The following PCDHB15 variants were observed in gnomAD, a reference collection of about 807,000 sequenced individuals.
PCDHB15 encodes the protein protocadherin beta 15, also known as protocadherin beta-15.
For synonymous variants in PCDHB15, 492 were observed against 447.9 expected (o/e 1.10, Z -1.24); for missense variants, 1,032 against 991.7 (o/e 1.04, Z -0.55).
chr5:141,246,856 G>A lies in PCDHB15; in HGVS notation c.1278G>A (p.Leu426=), dbSNP rs782746140. The A allele has an allele frequency of 6.2e-7, 1 of 1,614,146 alleles. No individual in the cohort carries two copies. ...ACATCACCATCACCATCACAGACTT[G>A]GGGACTCCAAGGCTGAAAACCGAGC... is the stretch of plus-strand genomic sequence containing the variant. ...EYNITITITD[L]GTPRLKTEQS... Residue 426 remains leucine (L), a synonymous_variant, in exon 1 of 1, where the codon TTG becomes TTA. Coordinates refer to ENST00000231173, the MANE Select transcript of PCDHB15 (RefSeq NM_018935.4).
chr5:141,249,131 G>A lies in PCDHB15; in HGVS notation c.*1189G>A, dbSNP rs373622344. ...GCCAATCAGCTAAACTTAAAATAGG[G>A]AGACTCTCCTAGATAATCTGGGTGG... On this transcript the variant is annotated 3_prime_UTR_variant, in exon 1 of 1. Transcript: ENST00000231173. 6.4e-4 allele frequency: 97 copies of A among 152,258 alleles called. 1 individual carries two copies. Among genetic ancestry groups the A allele is most frequent in the African/African-American group, 2.2e-3 (92 of 41,532 alleles). 9.4% of individuals were successfully genotyped at this position (152,258 alleles called of 1,614,324 possible).
In PCDHB15 at chr5:141,247,659, T is replaced by G; in HGVS notation, c.2081T>G (p.Leu694Trp). 2 of 1,610,372 alleles carry G rather than the reference T, an allele frequency of 1.2e-6. No homozygotes were observed. Among genetic ancestry groups the G allele is most frequent in the Non-Finnish European group, 1.7e-6 (2 of 1,179,846 alleles). The change falls in exon 1 of 1, where the codon TTG (leucine) becomes TGG (tryptophan). Residue 694 changes from leucine (L) to tryptophan (W), a missense_variant. Leu to Trp is a moderately conservative substitution (Grantham distance 61). Coordinates refer to ENST00000231173, the MANE Select transcript of PCDHB15 (RefSeq NM_018935.4). ...DSLTVYLVVA[L>W]ASVSSLFLFS... ...CTTACCGTCTACCTGGTGGTGGCAT[T>G]GGCCTCGGTGTCTTCGCTCTTCCTC...
Position 141,247,308 on chromosome 5 carries a change from C to T in PCDHB15, c.1730C>T (p.Pro577Leu). The change falls in exon 1 of 1, where the codon CCC becomes CTC. Residue 577 changes from proline (P) to leucine (L), a missense_variant. Physicochemically the swap from Pro to Leu is moderately conservative, Grantham distance 98. Coordinates refer to ENST00000231173, the MANE Select transcript of PCDHB15 (RefSeq NM_018935.4). ...NGSAPCTELVPRAAEPGYLVT... is the reference protein window; with the variant it reads ...NGSAPCTELVLRAAEPGYLVT... Reference sequence around the variant, plus strand: ...TCCGCGCCCTGCACCGAGCTGGTGCCCCGGGCGGCCGAGCCGGGCTACCTG... The same window carrying T: ...TCCGCGCCCTGCACCGAGCTGGTGCTCCGGGCGGCCGAGCCGGGCTACCTG... The T allele has an allele frequency of 6.2e-7, 1 of 1,608,544 alleles. No individual in the cohort carries two copies. Among genetic ancestry groups the T allele is most frequent in the Non-Finnish European group, 8.5e-7 (1 of 1,178,704 alleles).
chr5:141,247,393 G>A lies in PCDHB15; in HGVS notation c.1815G>A (p.Gln605=), dbSNP rs1554292209. 4 of 1,605,080 alleles carry A rather than the reference G, an allele frequency of 2.5e-6. No homozygotes were observed. The highest frequency in any genetic ancestry group is 3.4e-6 in the Non-Finnish European group (4 of 1,179,106). The stretch of plus-strand genomic sequence containing the variant: ...GCCAGAACGCCTGGCTGTCGTACCA[G>A]CTGCTCAAGGCCACGGAGCCCGGGC... ...DSGQNAWLSY[Q]LLKATEPGLF... The change falls in exon 1 of 1, where the codon CAG becomes CAA. Residue 605 remains glutamine, a synonymous_variant. Transcript: ENST00000231173.
rs782103267 is a variant in PCDHB15, at chr5:141,247,159, C to G, written c.1581C>G (p.Phe527Leu). Residue 527 changes from phenylalanine to leucine, a missense_variant, in exon 1 of 1, where the codon TTC becomes TTG. Phe to Leu is a conservative substitution (Grantham distance 22). Transcript: ENST00000231173. ...QSLDYEALQA[F>L]EFRVGATDRG... ...TGGACTACGAGGCCCTGCAGGCTTT[C>G]GAGTTCCGCGTGGGCGCCACAGACC... 5 of 1,613,598 alleles carry G rather than the reference C, an allele frequency of 3.1e-6. No individual in the cohort carries two copies. The East Asian group carries it at 1.1e-4, about 36-fold the overall frequency.
Position 141,246,273 on chromosome 5 carries a change from T to C in PCDHB15, c.695T>C (p.Val232Ala). The C allele has an allele frequency of 1.2e-6, 2 of 1,614,032 alleles. No homozygotes were observed. Among genetic ancestry groups the C allele is most frequent in the Non-Finnish European group, 1.7e-6 (2 of 1,179,986 alleles). ...GGCACCGTCCAGATCCTCATCTTGG[T>C]CTTGGACGCCAATGACAATGCCCCG... The part of the protein sequence containing the change: ...RSGTVQILIL[V>A]LDANDNAPEF... Residue 232 changes from valine (V) to alanine (A), a missense_variant, in exon 1 of 1, where the codon GTC becomes GCC. By Grantham distance (64) the Val-to-Ala change is moderately conservative. Coordinates refer to ENST00000231173, the MANE Select transcript of PCDHB15 (RefSeq NM_018935.4).
In PCDHB15 at chr5:141,246,912, A is replaced by G. The variant is rs1204237984; in HGVS notation, c.1334A>G (p.Asn445Ser). The G allele has an allele frequency of 5.6e-6, 9 of 1,613,572 alleles. No homozygotes were observed. The highest frequency in any genetic ancestry group is 7.6e-6 in the Non-Finnish European group (9 of 1,180,022). ...ATAACCGTGCTGGTGTCGGACGTCA[A>G]TGACAACGCCCCCGCCTTCACCCAA... Reference protein sequence around the residue: ...QSITVLVSDVNDNAPAFTQTS... With the variant: ...QSITVLVSDVSDNAPAFTQTS... The change falls in exon 1 of 1, where the codon AAT becomes AGT. Residue 445 changes from asparagine to serine, a missense_variant. Physicochemically the swap from Asn to Ser is conservative, Grantham distance 46. Transcript: ENST00000231173.
Position 141,245,724 on chromosome 5 carries a change from C to T in PCDHB15, c.146C>T (p.Ala49Val), listed in dbSNP as rs1314873612. 6.2e-7 allele frequency: 1 copy of T among 1,614,166 alleles called. No individual in the cohort carries two copies. Among genetic ancestry groups the T allele is most frequent in the Non-Finnish European group, 8.5e-7 (1 of 1,180,038 alleles). ...TERGSFVANL[A>V]NDLGLGVGEL... ...AGAGGTTCTTTTGTAGCCAACCTGG[C>T]CAATGACCTAGGGCTGGGAGTGGGG... The change falls in exon 1 of 1, where the codon GCC becomes GTC. Residue 49 changes from alanine to valine, a missense_variant. Ala to Val is a moderately conservative substitution (Grantham distance 64). Coordinates refer to ENST00000231173, the MANE Select transcript of PCDHB15 (RefSeq NM_018935.4).
At position 141,245,665 on chromosome 5, in the gene PCDHB15, AC is replaced by A. The variant is rs1554291757; in HGVS notation, c.91del (p.Arg31ValfsTer5). The A allele has an allele frequency of 6.2e-7, 1 of 1,614,102 alleles. No homozygotes were observed. The highest frequency in any genetic ancestry group is 8.5e-7 in the Non-Finnish European group (1 of 1,180,012). On this transcript the variant is annotated frameshift_variant, in exon 1 of 1. Transcript: ENST00000231173. LOFTEE classifies it low-confidence loss of function (END_TRUNC). ...TGGAAGTGACTCTGGCAGGCTGGGA[AC>A]CCCGTCGCTATTCTGTGATGGAGGA... ...LLEVTLAGWE[P>X]RRYSVMEETE...
rs61742735 is a variant in PCDHB15 at position 141,247,081 on chromosome 5, C to A, written c.1503C>A (p.Thr501=). ...CCCGGGACCCGCACCTGCCCCTCAC[C>A]TCCCTGGTCTCCATTAACACGGACA... ...LPPRDPHLPL[T]SLVSINTDNG... Residue 501 remains threonine, a synonymous_variant, in exon 1 of 1, where the codon ACC becomes ACA. Coordinates refer to ENST00000231173, the MANE Select transcript of PCDHB15 (RefSeq NM_018935.4). 64 of 1,613,924 alleles carry A rather than the reference C, an allele frequency of 4.0e-5. No homozygotes were observed. Among genetic ancestry groups the A allele is most frequent in the Non-Finnish European group, 3.8e-5 (45 of 1,180,022 alleles).
rs1755289330 is a variant in PCDHB15, at chr5:141,247,112, C to A, written c.1534C>A (p.His512Asn). 6.2e-7 allele frequency: 1 copy of A among 1,613,998 alleles called. No homozygotes were observed. Reference protein sequence around the residue: ...SLVSINTDNGHLFALQSLDYE... With the variant: ...SLVSINTDNGNLFALQSLDYE... Reference sequence around the variant, plus strand: ...GGTCTCCATTAACACGGACAACGGCCACCTGTTCGCTCTCCAGTCGCTGGA... The same window carrying A: ...GGTCTCCATTAACACGGACAACGGCAACCTGTTCGCTCTCCAGTCGCTGGA... Residue 512 changes from histidine (H) to asparagine (N), a missense_variant, in exon 1 of 1, where the codon CAC becomes AAC. Coordinates refer to ENST00000231173, the MANE Select transcript of PCDHB15 (RefSeq NM_018935.4).
chr5:141,248,367 T>C lies in PCDHB15; in HGVS notation c.*425T>C, dbSNP rs1247329259. ...AAGTTTGGGGTGTAATCATTTCATA[T>C]TTATCCATGTGTAATTTCTTCCAAG... is the stretch of plus-strand genomic sequence containing the variant. On this transcript the variant is annotated 3_prime_UTR_variant, in exon 1 of 1. Coordinates refer to ENST00000231173, the MANE Select transcript of PCDHB15 (RefSeq NM_018935.4). The C allele has an allele frequency of 6.2e-6, 1 of 161,986 alleles. No homozygotes were observed. Among genetic ancestry groups the C allele is most frequent in the Admixed American group, 6.5e-5 (1 of 15,302 alleles). 10.0% of individuals were successfully genotyped at this position (161,986 alleles called of 1,614,324 possible).
chr5:141,247,912 C>A lies in PCDHB15; in HGVS notation c.2334C>A (p.Asp778Glu), dbSNP rs1189087078. ...KPIFPNIVSQ[D>E]SRRKSEFLE ...TATTCCCAAATATTGTAAGCCAGGACTCTAGGAGGAAATCAGAATTTCTAG... is the reference window on the plus strand; with the variant it reads ...TATTCCCAAATATTGTAAGCCAGGAATCTAGGAGGAAATCAGAATTTCTAG... The change falls in exon 1 of 1, where the codon GAC (aspartate) becomes GAA (glutamate). Residue 778 changes from aspartate to glutamate, a missense_variant. By Grantham distance (45) the Asp-to-Glu change is conservative. Transcript: ENST00000231173. 1 of 1,606,580 alleles carries A rather than the reference C, an allele frequency of 6.2e-7. No homozygotes were observed. Among genetic ancestry groups the A allele is most frequent in the East Asian group, 2.2e-5 (1 of 44,788 alleles).
rs782767516 is a variant in PCDHB15 at position 141,247,724 on chromosome 5, A to G, written c.2146A>G (p.Arg716Gly). The G allele has an allele frequency of 8.1e-6, 13 of 1,613,614 alleles. No individual in the cohort carries two copies. In the Admixed American group the frequency reaches 1.8e-4, roughly 23 times the overall value. ...GTTCGTGGCAGTGCGGCTGTGCAGG[A>G]GGAGCAGGGCGGCCTCAGTGGGTCG... The part of the protein sequence containing the change: ...FLFVAVRLCR[R>G]SRAASVGRCS... The change falls in exon 1 of 1, where the codon AGG (arginine) becomes GGG (glycine). Residue 716 changes from arginine (R) to glycine (G), a missense_variant. Physicochemically the swap from Arg to Gly is moderately radical, Grantham distance 125 (BLOSUM62 -2). Coordinates refer to ENST00000231173, the MANE Select transcript of PCDHB15 (RefSeq NM_018935.4).
Position 141,246,226 on chromosome 5 carries a change from C to G in PCDHB15, c.648C>G (p.Asp216Glu). ...AELRLTLTAV[D>E]GGSPPRSGTV... ...TCAGATTAACCTTGACAGCGGTGGA[C>G]GGTGGCTCTCCACCCCGATCTGGCA... The change falls in exon 1 of 1, where the codon GAC becomes GAG. Residue 216 changes from aspartate (D) to glutamate (E), a missense_variant. Physicochemically the swap from Asp to Glu is conservative, Grantham distance 45 (BLOSUM62 2). Coordinates refer to ENST00000231173, the MANE Select transcript of PCDHB15 (RefSeq NM_018935.4). 6.2e-7 allele frequency: 1 copy of G among 1,614,170 alleles called. No individual in the cohort carries two copies. The highest frequency in any genetic ancestry group is 8.5e-7 in the Non-Finnish European group (1 of 1,180,016).
rs782114318 is a variant in PCDHB15 at position 141,247,036 on chromosome 5, C to T, written c.1458C>T (p.Val486=). The change falls in exon 1 of 1, where the codon GTC becomes GTT. Residue 486 remains valine, a synonymous_variant. Coordinates refer to ENST00000231173, the MANE Select transcript of PCDHB15 (RefSeq NM_018935.4). ...GAGACTCGGGCACCAACGCCCAGGT[C>T]ACCTACTCGCTGCTGCCGCCCCGGG... ...TDRDSGTNAQ[V]TYSLLPPRDP... 2 of 1,613,718 alleles carry T rather than the reference C, an allele frequency of 1.2e-6. No homozygotes were observed. Among genetic ancestry groups the T allele is most frequent in the East Asian group, 2.2e-5 (1 of 44,856 alleles).
Position 141,246,618 on chromosome 5 carries a change from T to G in PCDHB15, c.1040T>G (p.Leu347Arg), listed in dbSNP as rs1554291971. ...VLDVNDNFPE[L>R]SISSLTSPIP... ...GATGTTAACGATAACTTCCCGGAAC[T>G]AAGTATTTCATCACTTACCAGCCCT... Residue 347 changes from leucine to arginine, a missense_variant, in exon 1 of 1, where the codon CTA becomes CGA. Leu to Arg is a moderately radical substitution (Grantham distance 102). Transcript: ENST00000231173. The G allele has an allele frequency of 6.2e-7, 1 of 1,614,190 alleles. No homozygotes were observed. Among genetic ancestry groups the G allele is most frequent in the East Asian group, 2.2e-5 (1 of 44,880 alleles).
rs782527376 is a variant in PCDHB15 at position 141,247,179 on chromosome 5, C to G, written c.1601C>G (p.Thr534Arg). The G allele has an allele frequency of 5.6e-6, 9 of 1,613,230 alleles. No homozygotes were observed. In the South Asian group the frequency reaches 9.9e-5, roughly 18 times the overall value. Residue 534 changes from threonine (T) to arginine (R), a missense_variant, in exon 1 of 1, where the codon ACA (threonine) becomes AGA (arginine). Physicochemically the swap from Thr to Arg is moderately conservative, Grantham distance 71. Transcript: ENST00000231173. ...GCTTTCGAGTTCCGCGTGGGCGCCA[C>G]AGACCGCGGCTTCCCGGCGCTGAGC... ...LQAFEFRVGA[T>R]DRGFPALSSE... is the part of the protein sequence containing the mutation.
chr5:141,247,447 G>A lies in PCDHB15; in HGVS notation c.1869G>A (p.Glu623=), dbSNP rs781954774. ...GLFGVWAHNG[E]VRTARLLSER... ...TCGGCGTGTGGGCGCACAATGGCGA[G>A]GTGCGCACCGCCAGGCTGCTGAGCG... Residue 623 remains glutamate, a synonymous_variant, in exon 1 of 1, where the codon GAG becomes GAA. Coordinates refer to ENST00000231173, the MANE Select transcript of PCDHB15 (RefSeq NM_018935.4). 331 of 1,607,256 alleles carry A rather than the reference G, an allele frequency of 2.1e-4. No homozygotes were observed. The highest frequency in any genetic ancestry group is 4.5e-4 in the Middle Eastern group (2 of 4,434).
Sources: gnomAD v4.1 joint callset for allele counts on GRCh38, gnomAD v4.1.1 for gene constraint, MANE v1.5 for transcripts, NCBI Gene and HGNC (gene_info 2026-07-23, HGNC 2026-07-21) for gene names.